Variants in KPNA4 observed in about 807,000 individuals in gnomAD.
KPNA4 encodes the protein importin subunit alpha-3.
A neutral mutation model predicts 71.3 loss-of-function variants in KPNA4; 13 were observed. The ratio of observed to expected loss-of-function variants is 0.18; its 90% CI spans 0.12 to 0.29. KPNA4 has a LOEUF of 0.29. Among genes scored for constraint, KPNA4 ranks in the 10% least tolerant of loss-of-function variants. The pLI is 1.00. For missense variants in KPNA4, 334 were observed against 603.2 expected (o/e 0.55, Z 4.67); for synonymous variants, 189 against 195.2 (o/e 0.97, Z 0.26).
intron 1 of KPNA4, among the ~76,000 whole-genome samples, chr3:160,537,234 C>T (rs997385893): frequency 2.7e-5 from 4 of 149,972 alleles, no homozygotes; most frequent in South Asian, 2.1e-4. Flanking sequence ...AAAAAAAAAG[C>T]GAAAAAAAGC....
intron 15 of KPNA4, among the ~76,000 whole-genome samples, chr3:160,507,828 A>C (rs1264332276): frequency 6.6e-6 from 1 of 152,238 alleles, no homozygotes; most frequent in African/African-American, 2.4e-5. Flanking sequence ...ATATTTATCA[A>C]GACTAGACTA....
At chr3:160,545,376 GT>G (rs1721883621) in intron 1 of KPNA4, among the ~76,000 whole-genome samples, 1 of 151,544 alleles carries the variant, frequency 6.6e-6, no homozygotes, top group African/African-American at 2.4e-5. Context: ...TGTTCTGAGT[GT>G]TAAGGAGAAA....
intron 1 of KPNA4, among the ~76,000 whole-genome samples, chr3:160,542,686 C>A (rs1721822838): frequency 6.6e-6 from 1 of 151,982 alleles, no homozygotes; most frequent in South Asian, 2.1e-4. Context: ...TAGTGATGGG[C>A]AAAAGTCTTC....
At chr3:160,538,270 CTTCT>C (rs1428533005) in intron 1 of KPNA4, among the ~76,000 whole-genome samples, 2 of 151,878 alleles carry the variant, frequency 1.3e-5, no homozygotes, top group South Asian at 2.1e-4. Context: ...AATGTAAGTG[CTTCT>C]TTATTATCAC....
Position 160,498,324 on chromosome 3 carries a change from T to C in KPNA4, c.*3780A>G, listed in dbSNP as rs1005819721. 3 of 152,228 alleles carry C rather than the reference T, an allele frequency of 2.0e-5. No homozygotes were observed. Among genetic ancestry groups the C allele is most frequent in the African/African-American group, 7.2e-5 (3 of 41,458 alleles). 9.4% of individuals were successfully genotyped at this position (152,228 alleles called of 1,614,324 possible). ...GATAACTATATAAGGCTATCACTTGTAAATTGTTCCAGTTCTAAATAGTTG... is the reference window on the plus strand; with the variant it reads ...GATAACTATATAAGGCTATCACTTGCAAATTGTTCCAGTTCTAAATAGTTG... On this transcript the variant is annotated 3_prime_UTR_variant, in exon 17 of 17. Transcript: ENST00000334256.
intron 7 of KPNA4, 140 bp downstream of exon 7, chr3:160,530,715 C>T (rs1224625798): frequency 3.4e-6 from 2 of 587,556 alleles, no homozygotes; most frequent in Middle Eastern, 4.5e-4. Flanking sequence ...AAGTAACATA[C>T]TTAAGTTGAC....
chr3:160,563,849 T>C (rs1236868548), intron 1 of KPNA4, among the ~76,000 whole-genome samples: 1 of 152,178 alleles, frequency 6.6e-6, no homozygotes, highest in South Asian at 2.1e-4. Flanking sequence ...GGTAATATGT[T>C]AACCTTAAAA....
intron 13 of KPNA4, among the ~76,000 whole-genome samples, chr3:160,511,877 G>C (rs1721102112): frequency 6.6e-6 from 1 of 151,786 alleles, no homozygotes; most frequent in Admixed American, 6.6e-5. Flanking sequence ...AGAAAAATAA[G>C]TAATTATGCT....
intron 1 of KPNA4, among the ~76,000 whole-genome samples, chr3:160,564,049 G>A (rs1722293459): frequency 6.6e-6 from 1 of 152,108 alleles, no homozygotes; most frequent in Non-Finnish European, 1.5e-5. Flanking sequence ...AACGTACCGA[G>A]AACAACATAA....
In KPNA4 at chr3:160,501,364, C is replaced by G. The variant is rs981146002; in HGVS notation, c.*740G>C. On this transcript the variant is annotated 3_prime_UTR_variant, in exon 17 of 17. Transcript: ENST00000334256. ...GTGGGAAAGGGGGAAACAGAAAACA[C>G]AGGCTGCAGAGTAAACCAATGTCTG... 4 of 152,246 alleles carry G rather than the reference C, an allele frequency of 2.6e-5. No homozygotes were observed. The highest frequency in any genetic ancestry group is 9.7e-5 in the African/African-American group (4 of 41,312). The allele number at this position is 152,246 out of a possible 1,614,324, so 9.4% of individuals were successfully genotyped here. A position where few individuals can be genotyped will look rare whatever the true frequency, so the allele number is the denominator to read the frequency against.
intron 1 of KPNA4, among the ~76,000 whole-genome samples, chr3:160,541,634 A>G (rs1218519498): frequency 7.2e-6 from 1 of 138,954 alleles, no homozygotes; most frequent in Non-Finnish European, 1.5e-5. Context: ...AGCGGTTTTT[A>G]AAAGTTATAT....
chr3:160,550,196 T>A (rs1722010451), intron 1 of KPNA4, among the ~76,000 whole-genome samples: 1 of 152,250 alleles, frequency 6.6e-6, no homozygotes, highest in Non-Finnish European at 1.5e-5. Context: ...TGTCTTTCAT[T>A]TCTTTTTCTT....
chr3:160,554,580 T>C (rs1043137612), intron 1 of KPNA4, among the ~76,000 whole-genome samples: 1 of 152,102 alleles, frequency 6.6e-6, no homozygotes, highest in Non-Finnish European at 1.5e-5. Context: ...GGGCCCTAGA[T>C]AGTTTCAGGA....
chr3:160,554,720 A>C (rs528326061), intron 1 of KPNA4, among the ~76,000 whole-genome samples: 7 of 152,322 alleles, frequency 4.6e-5, no homozygotes, highest in African/African-American at 1.7e-4. Context: ...GATTTAATCA[A>C]TCATGCCTAC....
rs146947242 is a variant in KPNA4, at chr3:160,546,668, C to G, written c.70-9828G>C. ...TACTTTATAAACTAATATGGTTAATCACCAACCTTTGTTTGGATAAACAAA... is the reference window on the plus strand; with the variant it reads ...TACTTTATAAACTAATATGGTTAATGACCAACCTTTGTTTGGATAAACAAA... On this transcript the variant is annotated intron_variant, in intron 1 of 16. Coordinates refer to ENST00000334256, the MANE Select transcript of KPNA4 (RefSeq NM_002268.5). Among the ~76,000 whole-genome samples, 143 of 152,250 alleles carry G rather than the reference C, an allele frequency of 9.4e-4. 1 individual carries two copies. The East Asian group carries it at 0.021, about 22-fold the overall frequency.
chr3:160,528,037 C>T lies in KPNA4; in HGVS notation c.472G>A (p.Ala158Thr), dbSNP rs1184006608. 2 of 1,609,616 alleles carry T rather than the reference C, an allele frequency of 1.2e-6. No individual in the cohort carries two copies. Among genetic ancestry groups the T allele is most frequent in the Non-Finnish European group, 1.7e-6 (2 of 1,177,036 alleles). ...EQTQAVVQSNAVPLFLRLLHS... is the reference protein window; with the variant it reads ...EQTQAVVQSNTVPLFLRLLHS... ...AGAAGCCTCAGGAAAAGTGGCACAG[C>T]ATCTGATGGAAGAAAAAATAACAAT... is the stretch of plus-strand genomic sequence containing the variant. Residue 158 changes from alanine to threonine, a missense_variant and splice_region_variant, in exon 8 of 17, where the codon GCT becomes ACT. Ala to Thr is a moderately conservative substitution (Grantham distance 58). Transcript: ENST00000334256.
At chr3:160,545,165 T>C (rs1721879764) in intron 1 of KPNA4, among the ~76,000 whole-genome samples, 1 of 152,258 alleles carries the variant, frequency 6.6e-6, no homozygotes, top group South Asian at 2.1e-4. Flanking sequence ...CAGTGTTTAC[T>C]TTCAAAATAT....
chr3:160,518,373 G>A, intron 11 of KPNA4, among the ~76,000 whole-genome samples: 1 of 149,890 alleles, frequency 6.7e-6, no homozygotes, highest in East Asian at 2.0e-4. Context: ...CTGACCTCGT[G>A]ATCCGCCCGC....
rs1038434298 is a variant in KPNA4, at chr3:160,496,450, G to C, written c.*5654C>G. 5.3e-5 allele frequency: 8 copies of C among 152,014 alleles called. No individual in the cohort carries two copies. The highest frequency in any genetic ancestry group is 4.6e-4 in the Admixed American group (7 of 15,264). 9.4% of individuals were successfully genotyped at this position (152,014 alleles called of 1,614,324 possible). On this transcript the variant is annotated 3_prime_UTR_variant, in exon 17 of 17. Transcript: ENST00000334256. ...AGATTACGAGTCATTTTAAACAGCTGTTTCAAAGTAAGAGTAAAAACAGGC... is the reference window on the plus strand; with the variant it reads ...AGATTACGAGTCATTTTAAACAGCTCTTTCAAAGTAAGAGTAAAAACAGGC...
Sources: gnomAD v4.1 joint callset for allele counts (sites outside exome capture counted in the v4.1 genomes callset) on GRCh38, gnomAD v4.1.1 for gene constraint, MANE v1.5 for transcripts, NCBI Gene and HGNC (gene_info 2026-07-23, HGNC 2026-07-21) for gene names.